FGF12: variants seen among roughly 807,000 people sequenced by gnomAD.
FGF12 encodes the protein fibroblast growth factor 12B.
FGF12 carries 14 observed loss-of-function variants against 23.6 expected under a neutral mutation model. The ratio of observed to expected loss-of-function variants is 0.59; its 90% CI spans 0.39 to 0.93. The LOEUF is 0.93. Ranked by LOEUF, FGF12 falls within the 40% of genes least tolerant of loss-of-function variation. FGF12 has a pLI of 0.00. For missense variants in FGF12, 175 were observed against 217.8 expected (o/e 0.80, Z 1.24); for synonymous variants, 62 against 77.3 (o/e 0.80, Z 1.04).
At chr3:192,383,149 C>A (rs1719897355) in intron 2 of FGF12, among the ~76,000 whole-genome samples, 1 of 152,206 alleles carries the variant, frequency 6.6e-6, no homozygotes, top group African/African-American at 2.4e-5. Context: ...CTTCACTGAT[C>A]TATTTCCCCC....
intron 2 of FGF12, among the ~76,000 whole-genome samples, chr3:192,619,590 A>C (rs955445057): frequency 5.3e-5 from 8 of 152,102 alleles, no homozygotes; most frequent in Admixed American, 2.0e-4. Context: ...TAATTTGAGG[A>C]CTGTTACCTC....
intron 5 of FGF12, among the ~76,000 whole-genome samples, chr3:192,155,973 G>A (rs906208762): frequency 1.3e-5 from 2 of 152,100 alleles, no homozygotes; most frequent in African/African-American, 4.8e-5. Flanking sequence ...TTTCAAGAGG[G>A]ACTTTTTCCA....
chr3:192,156,284 G>T (rs902704254), intron 5 of FGF12, among the ~76,000 whole-genome samples: 1 of 152,070 alleles, frequency 6.6e-6, no homozygotes, highest in African/African-American at 2.4e-5. Context: ...CAGATTCAGT[G>T]GCACTTCTCA....
chr3:192,366,174 G>A (rs1718976750), intron 2 of FGF12, among the ~76,000 whole-genome samples: 1 of 152,044 alleles, frequency 6.6e-6, no homozygotes, highest in African/African-American at 2.4e-5. Context: ...GGAGCAAGAA[G>A]GGAGAAGAGA....
intron 5 of FGF12, among the ~76,000 whole-genome samples, chr3:192,152,090 C>T: frequency 2.3e-5 from 1 of 44,200 alleles, no homozygotes; most frequent in Non-Finnish European, 4.6e-5. Context: ...TCTAGATTTT[C>T]TAGTTTATTT....
At chr3:192,153,837 A>G (rs1714192792) in intron 5 of FGF12, among the ~76,000 whole-genome samples, 1 of 19,472 alleles carries the variant, frequency 5.1e-5, no homozygotes, top group Admixed American at 6.4e-4. Flanking sequence ...CGTTCTCTGT[A>G]TTTCCTGAAT....
intron 2 of FGF12, among the ~76,000 whole-genome samples, chr3:192,396,197 C>G (rs1343631024): frequency 6.6e-6 from 1 of 152,144 alleles, no homozygotes. Context: ...TACAGCAAAA[C>G]TATAACTTGG....
intron 3 of FGF12, among the ~76,000 whole-genome samples, chr3:192,344,155 TG>T (rs1357905961): frequency 6.6e-6 from 1 of 152,210 alleles, no homozygotes; most frequent in Non-Finnish European, 1.5e-5. Context: ...AATGCTTCAC[TG>T]GATTGTTATG....
intron 2 of FGF12, among the ~76,000 whole-genome samples, chr3:192,395,251 AAG>A (rs1720469741): frequency 6.6e-6 from 1 of 152,200 alleles, no homozygotes; most frequent in African/African-American, 2.4e-5. Context: ...TCTGATAAGA[AAG>A]AGGTAAAGTT....
intron 2 of FGF12, among the ~76,000 whole-genome samples, chr3:192,535,867 C>T (rs936925234): frequency 6.6e-6 from 1 of 152,088 alleles, no homozygotes. Context: ...TGTTCTAGAG[C>T]TCATTCATTC....
intron 2 of FGF12, among the ~76,000 whole-genome samples, chr3:192,538,257 T>G (rs1725281259): frequency 7.2e-6 from 1 of 138,824 alleles, no homozygotes. Flanking sequence ...CTTTAATCCG[T>G]TTTTTTTCTT....
In FGF12 at chr3:192,146,922, A is replaced by G. The variant is rs372301589; in HGVS notation, c.428-2795T>C. Among the ~76,000 whole-genome samples, 137 of 152,266 alleles carry G rather than the reference A, an allele frequency of 9.0e-4. 4 individuals are homozygous for G. In the South Asian group the frequency reaches 0.028, roughly 31 times the overall value. ...ATTTGCTCTTTTTCTCATACAACTC[A>G]TTTTCTAATTTCCCAATCTTTGCAC... On this transcript the variant is annotated intron_variant, in intron 5 of 5. Coordinates refer to ENST00000445105, the MANE Select transcript of FGF12 (RefSeq NM_004113.6).
chr3:192,663,174 G>A (rs535444560), intron 2 of FGF12, among the ~76,000 whole-genome samples: 8 of 152,284 alleles, frequency 5.3e-5, no homozygotes, highest in African/African-American at 1.2e-4. Flanking sequence ...TTGTAAATGC[G>A]TAGTTACTAA....
Position 192,140,388 on chromosome 3 carries a change from CCTT to C in FGF12, c.*3618_*3620del, listed in dbSNP as rs1713303853. Reference sequence around the variant, plus strand: ...TGAAATTAAGCAATATCATGGAAAACCTTCTCAAGAGCAAGGCCTTGTAGACTA... The same window carrying C: ...TGAAATTAAGCAATATCATGGAAAACCTCAAGAGCAAGGCCTTGTAGACTA... On this transcript the variant is annotated 3_prime_UTR_variant, in exon 6 of 6. Coordinates refer to ENST00000445105, the MANE Select transcript of FGF12 (RefSeq NM_004113.6). 1 of 151,932 alleles carries C rather than the reference CCTT, an allele frequency of 6.6e-6. No individual in the cohort carries two copies. Among genetic ancestry groups the C allele is most frequent in the South Asian group, 2.1e-4 (1 of 4,814 alleles). 9.4% of individuals were successfully genotyped at this position (151,932 alleles called of 1,614,324 possible).
chr3:192,189,338 C>T (rs1489002501), intron 4 of FGF12, among the ~76,000 whole-genome samples: 1 of 152,156 alleles, frequency 6.6e-6, no homozygotes, highest in South Asian at 2.1e-4. Flanking sequence ...TCCAAAATAA[C>T]AGAGAAATTT....
At chr3:192,378,026 T>TTTTCTTTTCTTTCTTTC (rs1719607315) in intron 2 of FGF12, among the ~76,000 whole-genome samples, 2 of 69,442 alleles carry the variant, frequency 2.9e-5, no homozygotes. Flanking sequence ...TGACTCTTTC[T>TTTTCTTTTCTTTCTTTC]TTTCTTTCTT....
intron 4 of FGF12, among the ~76,000 whole-genome samples, chr3:192,220,781 A>G (rs984547122): frequency 4.6e-5 from 7 of 152,204 alleles, no homozygotes; most frequent in African/African-American, 1.7e-4. Context: ...GGGGGTATAA[A>G]TATGTTTTTT....
Position 192,231,973 on chromosome 3 carries a change from G to A in FGF12, c.229-61317C>T, listed in dbSNP as rs564081643. Among the ~76,000 whole-genome samples, 18 of 152,238 alleles carry A rather than the reference G, an allele frequency of 1.2e-4. No homozygotes were observed. The South Asian group carries it at 3.5e-3, about 30-fold the overall frequency. On this transcript the variant is annotated intron_variant, in intron 4 of 5. Transcript: ENST00000445105. ...GGTAATTCCTCTGATGGACTTCTAC[G>A]TTCATTTCATTGCTCAACGACGTAG...
chr3:192,411,813 TGAG>T (rs1721209194), intron 2 of FGF12, among the ~76,000 whole-genome samples: 1 of 152,200 alleles, frequency 6.6e-6, no homozygotes, highest in South Asian at 2.1e-4. Context: ...AATGAGGACT[TGAG>T]GAAATTATTG....
Sources: allele counts gnomAD v4.1 joint callset (sites outside exome capture counted in the v4.1 genomes callset), GRCh38; gene constraint gnomAD v4.1.1; transcripts MANE v1.5; gene names NCBI Gene and HGNC (gene_info 2026-07-23, HGNC 2026-07-21).